LRRC4C: variants seen among roughly 807,000 people sequenced by gnomAD.
The protein encoded by LRRC4C is leucine-rich repeat-containing protein 4C.
LRRC4C carries 5 observed loss-of-function variants against 33.6 expected under a neutral mutation model. That is an observed-to-expected ratio of 0.15 (90% CI 0.08 to 0.31). LRRC4C has a LOEUF of 0.31. LRRC4C is among the 10% of genes least tolerant of loss of function. LRRC4C has a pLI of 1.00. For missense variants in LRRC4C, 560 were observed against 796.7 expected, an observed-to-expected ratio of 0.70 and a Z score of 3.58; for synonymous variants, 329 against 302.0, an observed-to-expected ratio of 1.09 and a Z score of -0.93.
intron 1 of LRRC4C, among the ~76,000 whole-genome samples, chr11:41,335,776 G>A (rs749244359): frequency 2.0e-5 from 3 of 152,014 alleles, no homozygotes; most frequent in South Asian, 2.1e-4. Context: ...CCTCTCCTCC[G>A]TTCTCCCATT....
intron 1 of LRRC4C, among the ~76,000 whole-genome samples, chr11:41,384,895 G>A (rs1213120724): frequency 6.7e-6 from 1 of 148,904 alleles, no homozygotes; most frequent in Non-Finnish European, 1.5e-5. Flanking sequence ...TTTTTGGGGA[G>A]CTTTTAAAAT....
chr11:41,117,091 G>C (rs1490109050), intron 1 of LRRC4C, among the ~76,000 whole-genome samples: 4 of 152,098 alleles, frequency 2.6e-5, no homozygotes, highest in Non-Finnish European at 5.9e-5. Context: ...GCCTGCTGGA[G>C]AATGAAAAAC....
intron 3 of LRRC4C, among the ~76,000 whole-genome samples, chr11:40,546,714 C>A (rs2135420140): frequency 6.6e-6 from 1 of 152,186 alleles, no homozygotes; most frequent in South Asian, 2.1e-4. Context: ...CACCAATCAT[C>A]AGAATAGCAG....
chr11:40,746,558 C>G (rs1948432555), intron 2 of LRRC4C, among the ~76,000 whole-genome samples: 1 of 152,166 alleles, frequency 6.6e-6, no homozygotes. Context: ...CATTGCTGCC[C>G]CTAACCTGAG....
intron 3 of LRRC4C, among the ~76,000 whole-genome samples, chr11:40,476,189 G>A (rs1953210682): frequency 6.6e-6 from 1 of 152,080 alleles, no homozygotes. Context: ...GTGTGTGCAT[G>A]TGTGGGTGTA....
intron 2 of LRRC4C, among the ~76,000 whole-genome samples, chr11:40,710,569 T>C (rs1324489683): frequency 1.3e-5 from 2 of 152,194 alleles, no homozygotes; most frequent in African/African-American, 4.8e-5. Flanking sequence ...TGCTGCCTAA[T>C]ATTTCCTCTG....
chr11:40,571,066 C>G (rs1010825060), intron 3 of LRRC4C, among the ~76,000 whole-genome samples: 3 of 152,092 alleles, frequency 2.0e-5, no homozygotes, highest in Admixed American at 6.6e-5. Flanking sequence ...CTCTAATGTT[C>G]TCTCTTTTGT....
intron 3 of LRRC4C, among the ~76,000 whole-genome samples, chr11:40,412,964 G>A (rs552072634): frequency 6.6e-5 from 10 of 152,054 alleles, no homozygotes; most frequent in South Asian, 2.1e-4. Flanking sequence ...TCTAAACATG[G>A]TATTCAAGGA....
intron 2 of LRRC4C, among the ~76,000 whole-genome samples, chr11:40,864,156 C>T (rs771309615): frequency 2.0e-5 from 3 of 152,130 alleles, no homozygotes; most frequent in Non-Finnish European, 2.9e-5. Flanking sequence ...GCAATCTCCA[C>T]CTCCCGGGCT....
At chr11:41,152,714 C>T (rs1020754496) in intron 1 of LRRC4C, among the ~76,000 whole-genome samples, 4 of 152,058 alleles carry the variant, frequency 2.6e-5, no homozygotes, top group African/African-American at 7.2e-5. Flanking sequence ...ATCTAATGAA[C>T]GCCTAGAGTG....
At position 40,905,679 on chromosome 11, in the gene LRRC4C, A is replaced by G. The variant is rs1404378888; in HGVS notation, c.-407+27956T>C. ...TCCAGCACAGCACTAGGCATAGGGC[A>G]GATTGCTCCTGTTTCCCAGGTGGGG... On this transcript the variant is annotated intron_variant, in intron 2 of 6. Transcript: ENST00000528697. Among the ~76,000 whole-genome samples, 41 of 152,206 alleles carry G rather than the reference A, an allele frequency of 2.7e-4. 1 individual carries two copies. Among genetic ancestry groups the G allele is most frequent in the Non-Finnish European group, 1.2e-4 (8 of 68,040 alleles).
In LRRC4C at chr11:40,948,828, A is replaced by G. The variant is rs923657913; in HGVS notation, c.-495-15105T>C. Among the ~76,000 whole-genome samples the G allele has an allele frequency of 1.6e-4, 24 of 151,894 alleles. No homozygotes were observed. In the South Asian group the frequency reaches 3.1e-3, roughly 20 times the overall value. The stretch of plus-strand genomic sequence containing the variant: ...TTGTGAATAGTGCCACAATAAACAT[A>G]CGTGTGCATGTGTCTTTATAGTAGC... On this transcript the variant is annotated intron_variant, in intron 1 of 6. Coordinates refer to ENST00000528697, the MANE Select transcript of LRRC4C (RefSeq NM_001258419.2).
At chr11:40,121,923 T>C (rs1310767370) in intron 6 of LRRC4C, among the ~76,000 whole-genome samples, 1 of 152,178 alleles carries the variant, frequency 6.6e-6, no homozygotes, top group African/African-American at 2.4e-5. Flanking sequence ...TGCTTACCCC[T>C]GGACCCTAAG....
intron 1 of LRRC4C, among the ~76,000 whole-genome samples, chr11:41,013,746 C>G (rs1404453806): frequency 6.6e-6 from 1 of 152,072 alleles, no homozygotes; most frequent in Non-Finnish European, 1.5e-5. Context: ...TAAAGAAATA[C>G]CTGAGACTGG....
intron 3 of LRRC4C, among the ~76,000 whole-genome samples, chr11:40,449,345 C>CAAAA (rs11407596): frequency 7.1e-6 from 1 of 140,262 alleles, no homozygotes. Context: ...ACAAAAGAAG[C>CAAAA]AAAAAAAAAA....
At chr11:40,357,081 G>A (rs1191205343) in intron 3 of LRRC4C, among the ~76,000 whole-genome samples, 1 of 152,066 alleles carries the variant, frequency 6.6e-6, no homozygotes, top group African/African-American at 2.4e-5. Context: ...AACAAATTTT[G>A]TATCATATTA....
rs79155089 is a variant in LRRC4C at position 41,207,531 on chromosome 11, G to A, written c.-496+251900C>T. 8.4e-3 allele frequency among the ~76,000 whole-genome samples: 1,272 copies of A among 152,226 alleles called. 13 individuals are homozygous for A. The highest frequency in any genetic ancestry group is 0.029 in the African/African-American group (1,199 of 41,542). On this transcript the variant is annotated intron_variant, in intron 1 of 6. Transcript: ENST00000528697. ...GTAGGGCCTTAATTTCAAAGGACTA[G>A]TGTCTTTATAAGAAGAGGAATAGAC... is the stretch of plus-strand genomic sequence containing the variant.
intron 2 of LRRC4C, among the ~76,000 whole-genome samples, chr11:40,850,042 A>G (rs974308830): frequency 6.6e-6 from 1 of 151,720 alleles, no homozygotes; most frequent in Non-Finnish European, 1.5e-5. Flanking sequence ...ACCTTTTATC[A>G]AGGTTCTTAG....
chr11:40,202,772 G>A (rs1049063201), intron 5 of LRRC4C, among the ~76,000 whole-genome samples: 1 of 152,066 alleles, frequency 6.6e-6, no homozygotes, highest in African/African-American at 2.4e-5. Flanking sequence ...AGCTATCAAG[G>A]GTAATAATCA....
Sources: allele counts gnomAD v4.1 joint callset (sites outside exome capture counted in the v4.1 genomes callset), GRCh38; gene constraint gnomAD v4.1.1; transcripts MANE v1.5; gene names NCBI Gene and HGNC (gene_info 2026-07-23, HGNC 2026-07-21).